ENTREP2: variants seen among roughly 807,000 people sequenced by gnomAD.
ENTREP2 encodes the protein protein ENTREP2.
the ENTREP2 span, chr15:29,136,316 T>A: frequency 6.9e-7 from 1 of 1,448,888 alleles, no homozygotes; most frequent in Non-Finnish European, 9.0e-7. Flanking sequence ...CGGGACGGTG[T>A]CCCTAGCATT....
the ENTREP2 span, chr15:29,267,351 G>A: frequency 2.0e-5 from 3 of 152,138 alleles, no homozygotes; most frequent in African/African-American, 7.2e-5. Context: ...TCTGCTACAC[G>A]TAATGGAGGA....
the ENTREP2 span, among the ~76,000 whole-genome samples, chr15:29,284,492 G>A: frequency 6.6e-6 from 1 of 151,266 alleles, no homozygotes; most frequent in Non-Finnish European, 1.5e-5. Context: ...AGGAGGCAGA[G>A]GTTGCAGTGA....
chr15:29,192,756 T>G, the ENTREP2 span, among the ~76,000 whole-genome samples: 2 of 151,970 alleles, frequency 1.3e-5, no homozygotes, highest in Admixed American at 6.6e-5. Flanking sequence ...CTGGACACAG[T>G]TGAGGAAAAA....
the ENTREP2 span, among the ~76,000 whole-genome samples, chr15:29,310,206 C>T: frequency 6.6e-6 from 1 of 152,334 alleles, no homozygotes; most frequent in South Asian, 2.1e-4. Flanking sequence ...TATGTGAGCA[C>T]AGGTGAGCAG....
chr15:29,308,596 A>T, the ENTREP2 span, among the ~76,000 whole-genome samples: 1 of 152,116 alleles, frequency 6.6e-6, no homozygotes, highest in Non-Finnish European at 1.5e-5. Context: ...TTCCTCAGCA[A>T]CACAGGGATA....
the ENTREP2 span, among the ~76,000 whole-genome samples, chr15:29,431,124 C>A: frequency 6.6e-6 from 1 of 152,114 alleles, no homozygotes; most frequent in African/African-American, 2.4e-5. Flanking sequence ...TCACAAGGAC[C>A]TAAAGAGGGA....
At chr15:29,219,610 CATAAATATATATATATATAT>C in the ENTREP2 span, among the ~76,000 whole-genome samples, 3 of 98,012 alleles carry the variant, frequency 3.1e-5, no homozygotes, top group Middle Eastern at 0.011. Context: ...AACTGTGGTG[CATAAATATATATATATATAT>C]ATATATATAT....
the ENTREP2 span, among the ~76,000 whole-genome samples, chr15:29,669,611 C>G: frequency 3.9e-5 from 6 of 152,204 alleles, no homozygotes; most frequent in Non-Finnish European, 7.3e-5. Flanking sequence ...ACATCCGAGG[C>G]TTATCCAGAG....
At chr15:29,243,076 C>T in the ENTREP2 span, among the ~76,000 whole-genome samples, 3 of 152,242 alleles carry the variant, frequency 2.0e-5, no homozygotes, top group Admixed American at 6.5e-5. Flanking sequence ...GGACAGCGCT[C>T]CGAGTCCAGT....
At chr15:29,585,008 T>TAGAC in the ENTREP2 span, among the ~76,000 whole-genome samples, 1 of 151,518 alleles carries the variant, frequency 6.6e-6, no homozygotes, top group African/African-American at 2.4e-5. Context: ...GATAGATAGA[T>TAGAC]AGATAGATAG....
the ENTREP2 span, among the ~76,000 whole-genome samples, chr15:29,434,533 G>C: frequency 2.0e-5 from 3 of 152,140 alleles, no homozygotes; most frequent in Non-Finnish European, 4.4e-5. Context: ...GAAGGGTCAT[G>C]TGCTGCAAAT....
At chr15:29,570,480 T>A in the ENTREP2 span, 2 of 1,258,306 alleles carry the variant, frequency 1.6e-6, no homozygotes, top group Non-Finnish European at 2.0e-6. Flanking sequence ...CCGGAGCCCG[T>A]CCCCGCCTGG....
chr15:29,326,581 T>A, the ENTREP2 span, among the ~76,000 whole-genome samples: 1 of 152,114 alleles, frequency 6.6e-6, no homozygotes, highest in South Asian at 2.1e-4. Context: ...CCTAAATAAA[T>A]ATAGAGATAT....
the ENTREP2 span, among the ~76,000 whole-genome samples, chr15:29,632,604 A>G: frequency 9.9e-5 from 15 of 152,194 alleles, no homozygotes; most frequent in Admixed American, 5.2e-4. Flanking sequence ...CAACATGGCA[A>G]AACTCTGTTT....
At chr15:29,584,852 T>A in the ENTREP2 span, among the ~76,000 whole-genome samples, 1,016 of 152,358 alleles carry the variant, frequency 6.7e-3, 10 homozygotes, top group Admixed American at 0.02. Context: ...AGATGATGGA[T>A]GTATTAATTT....
chr15:29,308,307 T>C, the ENTREP2 span, among the ~76,000 whole-genome samples: 76,898 of 151,844 alleles, frequency 0.51, 22,337 homozygotes, highest in African/African-American at 0.82. Flanking sequence ...GCCAGGGAGG[T>C]GGAGGTTGCA....
chr15:29,566,704 G>A, the ENTREP2 span, among the ~76,000 whole-genome samples: 10 of 152,140 alleles, frequency 6.6e-5, no homozygotes, highest in Non-Finnish European at 1.3e-4. Context: ...TGGTCCGCCC[G>A]CCTCAGTCTC....
chr15:29,367,947 C>CAA, the ENTREP2 span, among the ~76,000 whole-genome samples: 2 of 56,682 alleles, frequency 3.5e-5, no homozygotes, highest in East Asian at 1.1e-3. Context: ...CAGTTTTCAA[C>CAA]AAAAAAAAAA....
chr15:29,641,703 G>A, the ENTREP2 span, among the ~76,000 whole-genome samples: 409 of 151,764 alleles, frequency 2.7e-3, 1 homozygote, highest in African/African-American at 3.6e-3. Context: ...ATGGTGGTGC[G>A]CACCTGTAGT....
Sources: allele counts gnomAD v4.1 joint callset (sites outside exome capture counted in the v4.1 genomes callset), GRCh38; gene constraint gnomAD v4.1.1; transcripts MANE v1.5; gene names NCBI Gene and HGNC (gene_info 2026-07-23, HGNC 2026-07-21).